CDC25B: variants seen among roughly 807,000 people sequenced by gnomAD.
The protein encoded by CDC25B is cell division cycle 25B.
A neutral mutation model predicts 69.8 loss-of-function variants in CDC25B; 33 were observed. The observed-to-expected ratio is 0.47, with a 90% CI of 0.36 to 0.63. The LOEUF is 0.63. Among genes scored for constraint, CDC25B ranks in the 30% least tolerant of loss-of-function variants. CDC25B has a pLI of 0.00. For synonymous variants in CDC25B, 341 were observed against 314.6 expected (o/e 1.08, Z -0.89); for missense variants, 727 against 809.1 (o/e 0.90, Z 1.23).
In CDC25B at chr20:3,802,037, CGT is replaced by C; in HGVS notation, c.1037_1038del (p.Val346AlafsTer3). The C allele has an allele frequency of 6.3e-7, 1 of 1,581,772 alleles. No homozygotes were observed. Among genetic ancestry groups the C allele is most frequent in the South Asian group, 1.2e-5 (1 of 86,852 alleles). ...AGCGGCCCCAGGACAGGGACACGCC[CGT>C]GCAGAATAAGCGGAGGCGGAGCGTG... ...LERPQDRDTPVQNKRRRSVTP... is the reference protein window; with the variant it reads ...LERPQDRDTPXQNKRRRSVTP... On this transcript the variant is annotated frameshift_variant, in exon 10 of 16. Coordinates refer to ENST00000245960, the MANE Select transcript of CDC25B (RefSeq NM_021873.4). LOFTEE classifies it high-confidence loss of function.
In CDC25B at chr20:3,803,096, G is replaced by T. The variant is rs143891821; in HGVS notation, c.1258-12G>T. On this transcript the variant is annotated splice_polypyrimidine_tract_variant and intron_variant, in intron 12 of 15. Transcript: ENST00000245960. The surrounding 1 kb of genome is among the most constrained non-coding windows in gnomAD (Gnocchi z 4.9). ...CTGACCTGCCGGAACCAACCCCCAT[G>T]ACCTCCTACAGATGGTGGCCCTATT... is the stretch of plus-strand genomic sequence containing the variant. 1.5e-4 allele frequency: 241 copies of T among 1,611,776 alleles called. 1 individual carries two copies. In the East Asian group the frequency reaches 4.8e-3, roughly 32 times the overall value.
chr20:3,795,648 T>A, upstream of CDC25B: 1 of 932,254 alleles, frequency 1.1e-6, no homozygotes. Context: ...ACATCTAACC[T>A]GGGGTCCCGC....
rs1187727448 is a variant in CDC25B, at chr20:3,799,534, G to GCGCGCGCGCGCGCT, written c.381-750_381-749insCGCGCGCGCTCGCG. On this transcript the variant is annotated intron_variant, in intron 3 of 15. Coordinates refer to ENST00000245960, the MANE Select transcript of CDC25B (RefSeq NM_021873.4). ...TGTGTGTGTGTGTGTGTGCGCGCGCGCGCGTAGATGCACAAAAGCTCCGCG... is the reference window on the plus strand; with the variant it reads ...TGTGTGTGTGTGTGTGTGCGCGCGCGCGCGCGCGCGCGCTCGCGTAGATGCACAAAAGCTCCGCG... Among the ~76,000 whole-genome samples the GCGCGCGCGCGCGCT allele has an allele frequency of 2.8e-3, 417 of 150,968 alleles. 6 individuals are homozygous for GCGCGCGCGCGCGCT. Among genetic ancestry groups the GCGCGCGCGCGCGCT allele is most frequent in the African/African-American group, 1.0e-2 (406 of 40,794 alleles).
chr20:3,796,214 G>C, upstream of CDC25B: 2 of 1,168,410 alleles, frequency 1.7e-6, no homozygotes, highest in Non-Finnish European at 1.1e-6. Context: ...CCTCAGTCCC[G>C]CCCTCATCTA....
chr20:3,795,597 C>A, upstream of CDC25B: 1 of 431,790 alleles, frequency 2.3e-6, no homozygotes, highest in Non-Finnish European at 3.1e-6. Flanking sequence ...CCGTTTAGAG[C>A]CTCTCCTGGG....
chr20:3,805,467 CT>C lies in CDC25B; in HGVS notation c.*510del. On this transcript the variant is annotated 3_prime_UTR_variant, in exon 16 of 16. Coordinates refer to ENST00000245960, the MANE Select transcript of CDC25B (RefSeq NM_021873.4). ...TATGTCTGCCATGTTGCCCCTTTCT[CT>C]TTTCCCCTTTCCTGTCCCACCATAC... 7.0e-6 allele frequency: 2 copies of C among 284,082 alleles called. No individual in the cohort carries two copies. The highest frequency in any genetic ancestry group is 1.3e-5 in the Non-Finnish European group (2 of 153,020). The allele number at this position is 284,082 out of a possible 1,614,324, so 17.6% of individuals were successfully genotyped here. A position where few individuals can be genotyped will look rare whatever the true frequency, so the allele number is the denominator to read the frequency against.
intron 14 of CDC25B, among the ~76,000 whole-genome samples, chr20:3,804,126 A>T (rs972626364): frequency 2.0e-5 from 3 of 152,104 alleles, no homozygotes; most frequent in Non-Finnish European, 2.9e-5. Context: ...CAGGCATCCC[A>T]GCATATGGCA....
chr20:3,800,208 C>G (rs11570000), intron 3 of CDC25B, 80 bp from the exon 4 acceptor site: 34 of 577,860 alleles, frequency 5.9e-5, no homozygotes, highest in East Asian at 7.7e-5. Context: ...CTTACTCCCC[C>G]CTGGACTGGG....
At chr20:3,798,317 T>TTG in intron 2 of CDC25B, 95 bp from the exon 3 acceptor site, 1 of 93,742 alleles carries the variant, frequency 1.1e-5, no homozygotes, top group Non-Finnish European at 1.4e-5. Context: ...TAGAAACTGT[T>TTG]TTTTTTTTTT....
Position 3,804,963 on chromosome 20 carries a change from G to A in CDC25B, c.*2G>A, listed in dbSNP as rs1299136211. 3 of 1,611,286 alleles carry A rather than the reference G, an allele frequency of 1.9e-6. No homozygotes were observed. The highest frequency in any genetic ancestry group is 1.7e-4 in the Middle Eastern group (1 of 6,028). On this transcript the variant is annotated 3_prime_UTR_variant, in exon 16 of 16. Transcript: ENST00000245960. Reference sequence around the variant, plus strand: ...TGTAGCCGGCTGCAGGACCAGTGAGGGGCCTGCGCCAGTCCTGCTACCTCC... The same window carrying A: ...TGTAGCCGGCTGCAGGACCAGTGAGAGGCCTGCGCCAGTCCTGCTACCTCC...
rs1157553394 is a variant in CDC25B, at chr20:3,802,973, G to A, written c.1257+1G>A. 1 of 1,613,508 alleles carries A rather than the reference G, an allele frequency of 6.2e-7. No individual in the cohort carries two copies. Among genetic ancestry groups the A allele is most frequent in the African/African-American group, 1.3e-5 (1 of 75,022 alleles). On this transcript the variant is annotated splice_donor_variant, in intron 12 of 15. Transcript: ENST00000245960. LOFTEE classifies it high-confidence loss of function. Reference sequence around the variant, plus strand: ...CCTCAAGTACATCTCACCAGAAACGGTAAACAGCGTTGCGTCATTTTCTAG... The same window carrying A: ...CCTCAAGTACATCTCACCAGAAACGATAAACAGCGTTGCGTCATTTTCTAG...
upstream of CDC25B, among the ~76,000 whole-genome samples, chr20:3,794,603 G>A (rs929048040): frequency 6.6e-6 from 1 of 152,096 alleles, no homozygotes; most frequent in African/African-American, 2.4e-5. Context: ...CATCCTCACT[G>A]GAAGTAGTGG....
Position 3,805,021 on chromosome 20 carries a change from A to G in CDC25B, c.*60A>G, listed in dbSNP as rs957337181. ...TTCGAGGCCTGAAGCCAGCTGCCCT[A>G]TGGGCCTGCCGGGCTGAGGGCCTGC... On this transcript the variant is annotated 3_prime_UTR_variant, in exon 16 of 16. Coordinates refer to ENST00000245960, the MANE Select transcript of CDC25B (RefSeq NM_021873.4). 65 of 1,559,204 alleles carry G rather than the reference A, an allele frequency of 4.2e-5. No homozygotes were observed. The highest frequency in any genetic ancestry group is 5.5e-5 in the Non-Finnish European group (64 of 1,153,162).
upstream of CDC25B, among the ~76,000 whole-genome samples, chr20:3,792,239 A>T (rs190220859): frequency 8.2e-4 from 123 of 150,874 alleles, no homozygotes; most frequent in Middle Eastern, 6.8e-3. Context: ...TGCTGTTTGT[A>T]TATTCTTTAA....
chr20:3,799,484 C>CTG (rs60482329), intron 3 of CDC25B, among the ~76,000 whole-genome samples: 10,152 of 131,450 alleles, frequency 0.077, 370 homozygotes, highest in Admixed American at 0.11. Flanking sequence ...TTCTCAGAAG[C>CTG]TGTGTGTGTG....
In CDC25B at chr20:3,804,851, A is replaced by G; in HGVS notation, c.1633A>G (p.Met545Val). The change falls in exon 16 of 16, where the codon ATG becomes GTG. Residue 545 changes from methionine (M) to valine (V), a missense_variant. Physicochemically the swap from Met to Val is conservative, Grantham distance 21 (BLOSUM62 1). Transcript: ENST00000245960. ...NFCEPQDYRP[M>V]NHEAFKDELK... Reference sequence around the variant, plus strand: ...CTGTGAACCCCAGGACTACCGGCCCATGAACCACGAGGCCTTCAAGGATGA... The same window carrying G: ...CTGTGAACCCCAGGACTACCGGCCCGTGAACCACGAGGCCTTCAAGGATGA... 1.2e-6 allele frequency: 2 copies of G among 1,614,128 alleles called. No homozygotes were observed. Among genetic ancestry groups the G allele is most frequent in the Non-Finnish European group, 1.7e-6 (2 of 1,180,002 alleles).
rs571020625 is a variant in CDC25B, at chr20:3,800,781, C to T, written c.498C>T (p.Ile166=). ...GCCACAGCCCCGTGCTTCGGAACATCACCAACTCCCAGGCGCCCGACGGCC... is the reference window on the plus strand; with the variant it reads ...GCCACAGCCCCGTGCTTCGGAACATTACCAACTCCCAGGCGCCCGACGGCC... ...LLGHSPVLRN[I]TNSQAPDGRR... The change falls in exon 6 of 16, where the codon ATC becomes ATT. Residue 166 remains isoleucine, a synonymous_variant. Transcript: ENST00000245960. 2.5e-6 allele frequency: 4 copies of T among 1,611,950 alleles called. No homozygotes were observed. The highest frequency in any genetic ancestry group is 3.4e-6 in the Non-Finnish European group (4 of 1,180,040).
upstream of CDC25B, among the ~76,000 whole-genome samples, chr20:3,793,405 C>T (rs962598493): frequency 5.3e-5 from 8 of 152,016 alleles, no homozygotes; most frequent in African/African-American, 1.9e-4. Flanking sequence ...TGCAGTGAGC[C>T]GAGATCATGC....
chr20:3,805,535 T>C lies in CDC25B; in HGVS notation c.*574T>C. 2.6e-6 allele frequency: 1 copy of C among 377,936 alleles called. No homozygotes were observed. The highest frequency in any genetic ancestry group is 3.9e-5 in the East Asian group (1 of 25,848). The allele number at this position is 377,936 out of a possible 1,614,324, so 23.4% of individuals were successfully genotyped here. A position where few individuals can be genotyped will look rare whatever the true frequency, so the allele number is the denominator to read the frequency against. On this transcript the variant is annotated 3_prime_UTR_variant, in exon 16 of 16. Coordinates refer to ENST00000245960, the MANE Select transcript of CDC25B (RefSeq NM_021873.4). ...AACAGAAGCTCTTACTCTTTCCTAT[T>C]TCAGTGTTACCTGTGTGCTTGGTCT...
Sources: gnomAD v4.1 joint callset for allele counts (sites outside exome capture counted in the v4.1 genomes callset) on GRCh38, gnomAD v4.1.1 for gene constraint, Gnocchi (gnomAD v3.1) non-coding constraint, MANE v1.5 for transcripts, NCBI Gene and HGNC (gene_info 2026-07-23, HGNC 2026-07-21) for gene names.